The following C8orf34 variants were observed in gnomAD, a reference collection of about 807,000 sequenced individuals.
C8orf34 encodes the protein uncharacterized protein C8orf34.
Under a neutral mutation model 68.3 loss-of-function variants are expected in C8orf34, and 65 were observed. That is an observed-to-expected ratio of 0.95 (90% CI 0.78 to 1.17). C8orf34 has a LOEUF of 1.17. Among genes scored for constraint, C8orf34 ranks in the 50% most tolerant of loss-of-function variants. The pLI is 0.00. For missense variants in C8orf34, 664 were observed against 655.4 expected, an observed-to-expected ratio of 1.01 and a Z score of -0.14; for synonymous variants, 244 against 241.2, an observed-to-expected ratio of 1.01 and a Z score of -0.11.
chr8:68,792,814 A>C (rs1824049024), intron 12 of C8orf34, among the ~76,000 whole-genome samples: 1 of 151,944 alleles, frequency 6.6e-6, no homozygotes, highest in Admixed American at 6.6e-5. Context: ...GAAAGCAATA[A>C]AAAATATAAA....
chr8:68,652,218 T>C (rs1819381131), intron 8 of C8orf34, among the ~76,000 whole-genome samples: 1 of 152,244 alleles, frequency 6.6e-6, no homozygotes, highest in Admixed American at 6.5e-5. Context: ...ATACCTTCTT[T>C]GGAGAAGTAT....
intron 7 of C8orf34, among the ~76,000 whole-genome samples, chr8:68,578,954 C>T (rs559739295): frequency 3.4e-4 from 52 of 152,128 alleles, no homozygotes; most frequent in South Asian, 8.3e-4. Flanking sequence ...CAATCCTCGG[C>T]GATTTAGCAT....
chr8:68,411,565 A>T (rs1456129358), intron 1 of C8orf34, among the ~76,000 whole-genome samples: 1 of 152,194 alleles, frequency 6.6e-6, no homozygotes, highest in Non-Finnish European at 1.5e-5. Flanking sequence ...TTGTCCATTG[A>T]ATAATTTTGG....
chr8:68,418,096 G>T (rs922725943), intron 1 of C8orf34, among the ~76,000 whole-genome samples: 2 of 146,994 alleles, frequency 1.4e-5, no homozygotes, highest in Non-Finnish European at 3.0e-5. Context: ...CTCTTGGTTT[G>T]TCTGTTATTG....
chr8:68,818,206 C>T, intron 13 of C8orf34, 33 bp from the exon 14 acceptor site: 1 of 1,609,550 alleles, frequency 6.2e-7, no homozygotes, highest in Non-Finnish European at 8.5e-7. Flanking sequence ...TGTTATTAAG[C>T]ACATTTTCTT....
At chr8:68,646,508 A>G (rs1819177180) in intron 8 of C8orf34, among the ~76,000 whole-genome samples, 1 of 152,108 alleles carries the variant, frequency 6.6e-6, no homozygotes, top group African/African-American at 2.4e-5. Context: ...GAAATATACA[A>G]TGCATTATTA....
intron 10 of C8orf34, among the ~76,000 whole-genome samples, chr8:68,770,849 TA>T (rs761602107): frequency 1.6e-4 from 24 of 152,282 alleles, no homozygotes; most frequent in Non-Finnish European, 2.9e-4. Flanking sequence ...CATTAACCTC[TA>T]AAGGAACTGT....
chr8:68,663,483 G>GA (rs1336362027), intron 8 of C8orf34, among the ~76,000 whole-genome samples: 2 of 152,090 alleles, frequency 1.3e-5, no homozygotes, highest in Non-Finnish European at 1.5e-5. Context: ...AAATCCCGGA[G>GA]AAAAAATCCA....
At chr8:68,617,457 G>A (rs1818258310) in intron 7 of C8orf34, among the ~76,000 whole-genome samples, 1 of 152,184 alleles carries the variant, frequency 6.6e-6, no homozygotes, top group Non-Finnish European at 1.5e-5. Flanking sequence ...GCTTCCTTCA[G>A]GAGCTCTTGT....
intron 10 of C8orf34, among the ~76,000 whole-genome samples, chr8:68,754,590 T>A (rs1191979571): frequency 6.6e-6 from 1 of 152,216 alleles, no homozygotes; most frequent in African/African-American, 2.4e-5. Context: ...CCCAAGGCTG[T>A]CCCAGCCACA....
At chr8:68,514,691 G>A (rs1298395456) in intron 5 of C8orf34, among the ~76,000 whole-genome samples, 1 of 152,198 alleles carries the variant, frequency 6.6e-6, no homozygotes, top group Non-Finnish European at 1.5e-5. Context: ...TATTAAGATA[G>A]CGTATAATTT....
intron 11 of C8orf34, among the ~76,000 whole-genome samples, chr8:68,782,855 A>G (rs2129528833): frequency 6.6e-6 from 1 of 152,116 alleles, no homozygotes; most frequent in East Asian, 1.9e-4. Flanking sequence ...CCAGGAATTG[A>G]AGACCAGTCT....
chr8:68,550,011 GA>G (rs1034806540), intron 7 of C8orf34, among the ~76,000 whole-genome samples: 2 of 151,712 alleles, frequency 1.3e-5, no homozygotes, highest in African/African-American at 4.8e-5. Context: ...GTTTCTTGTA[GA>G]CAGTACGTAT....
At chr8:68,473,409 C>T (rs1355568789) in intron 4 of C8orf34, among the ~76,000 whole-genome samples, 7 of 152,116 alleles carry the variant, frequency 4.6e-5, no homozygotes, top group Admixed American at 6.5e-5. Context: ...TTCCACTTGG[C>T]AGGTGCCATG....
chr8:68,766,620 C>A (rs1357433778), intron 10 of C8orf34, among the ~76,000 whole-genome samples: 1 of 152,072 alleles, frequency 6.6e-6, no homozygotes, highest in Non-Finnish European at 1.5e-5. Flanking sequence ...TTTATCTAGA[C>A]CGAAAGCTTT....
At chr8:68,530,604 C>T (rs1304400915) in intron 6 of C8orf34, 32 of 1,257,102 alleles carry the variant, frequency 2.5e-5, no homozygotes, top group East Asian at 5.6e-5. Flanking sequence ...TTAGAAGACA[C>T]GTAATGCAAT....
intron 7 of C8orf34, among the ~76,000 whole-genome samples, chr8:68,592,529 GTTAC>G (rs1817421659): frequency 6.9e-6 from 1 of 144,078 alleles, no homozygotes; most frequent in African/African-American, 2.6e-5. Context: ...CTAATTTTGT[GTTAC>G]TTCTGTTAGT....
intron 3 of C8orf34, among the ~76,000 whole-genome samples, chr8:68,460,546 T>G (rs1811764317): frequency 1.3e-5 from 2 of 152,132 alleles, no homozygotes; most frequent in Admixed American, 1.3e-4. Flanking sequence ...CACCCCCCAG[T>G]AGCGGCAGAC....
chr8:68,772,927 C>CT (rs572739798), intron 10 of C8orf34, among the ~76,000 whole-genome samples: 32 of 147,884 alleles, frequency 2.2e-4, no homozygotes, highest in Admixed American at 1.8e-3. Flanking sequence ...TCCATGTTTT[C>CT]TTTCCTTTTC....
Sources: allele counts gnomAD v4.1 joint callset (sites outside exome capture counted in the v4.1 genomes callset), GRCh38; gene constraint gnomAD v4.1.1; transcripts MANE v1.5; gene names NCBI Gene and HGNC (gene_info 2026-07-23, HGNC 2026-07-21).